Variants in ZNF804B observed in about 807,000 individuals in gnomAD.
The protein encoded by ZNF804B is zinc finger 804B.
A neutral mutation model predicts 101.4 loss-of-function variants in ZNF804B; 80 were observed. The ratio of observed to expected loss-of-function variants is 0.79; its 90% CI spans 0.66 to 0.95. ZNF804B has a LOEUF of 0.95. Among genes scored for constraint, ZNF804B ranks in the 40% least tolerant of loss-of-function variants. The probability of loss-of-function intolerance (pLI) is 0.00; values close to 1 mark genes in which losing one functional copy is unlikely to be tolerated. For synonymous variants in ZNF804B, 622 were observed against 558.8 expected (o/e 1.11, Z -1.59); for missense variants, 1,673 against 1,561.9 (o/e 1.07, Z -1.20).
intron 1 of ZNF804B, among the ~76,000 whole-genome samples, chr7:89,171,579 C>G (rs900584563): frequency 6.6e-6 from 1 of 151,852 alleles, no homozygotes; most frequent in Non-Finnish European, 1.5e-5. Flanking sequence ...GGACTACAAC[C>G]TTGTGCCACC....
intron 1 of ZNF804B, among the ~76,000 whole-genome samples, chr7:88,839,882 A>C (rs1446477857): frequency 6.6e-6 from 1 of 152,130 alleles, no homozygotes; most frequent in African/African-American, 2.4e-5. Context: ...CGTGGCATAT[A>C]ATAAGCATTC....
At chr7:88,861,581 G>A (rs1228205404) in intron 1 of ZNF804B, among the ~76,000 whole-genome samples, 1 of 152,122 alleles carries the variant, frequency 6.6e-6, no homozygotes, top group Non-Finnish European at 1.5e-5. Context: ...TGATCTCTCA[G>A]CGATATCTGT....
intron 1 of ZNF804B, among the ~76,000 whole-genome samples, chr7:89,063,561 G>T (rs1412621580): frequency 6.6e-6 from 1 of 152,112 alleles, no homozygotes; most frequent in East Asian, 1.9e-4. Context: ...AGTAATCAAG[G>T]TGGGAAACTG....
chr7:88,981,690 C>A (rs1562850364), intron 1 of ZNF804B, among the ~76,000 whole-genome samples: 1 of 151,994 alleles, frequency 6.6e-6, no homozygotes. Flanking sequence ...TCCCCTCTGG[C>A]TAGGCTGGTC....
chr7:88,876,258 T>A (rs553437634), intron 1 of ZNF804B, among the ~76,000 whole-genome samples: 1 of 152,304 alleles, frequency 6.6e-6, no homozygotes, highest in Admixed American at 6.5e-5. Context: ...CAGTGTTCTC[T>A]CTTGAGCAAA....
intron 2 of ZNF804B, among the ~76,000 whole-genome samples, chr7:89,297,049 G>A (rs1562939852): frequency 2.0e-5 from 3 of 151,916 alleles, no homozygotes; most frequent in Non-Finnish European, 4.4e-5. Context: ...GCTTAACATA[G>A]CCCCTCAGCT....
At chr7:89,280,581 C>T (rs1208870) in intron 2 of ZNF804B, among the ~76,000 whole-genome samples, 37,347 of 151,948 alleles carry the variant, frequency 0.25, 4,797 homozygotes, top group Non-Finnish European at 0.27. Flanking sequence ...ATATCACCAC[C>T]GATCCCACAG....
In ZNF804B at chr7:88,854,526, CT is replaced by C. The variant is rs1260731959; in HGVS notation, c.108+94445del. The stretch of plus-strand genomic sequence containing the variant: ...CCTTTCCTTTCCTTTCCTTTCCTTC[CT>C]TTCCTTCCTTCCTTCCTTCCTTCCT... On this transcript the variant is annotated intron_variant, in intron 1 of 3. Coordinates refer to ENST00000333190, the MANE Select transcript of ZNF804B (RefSeq NM_181646.5). Among the ~76,000 whole-genome samples the C allele has an allele frequency of 6.2e-3, 346 of 56,178 alleles. 1 individual carries two copies. The highest frequency in any genetic ancestry group is 8.0e-3 in the African/African-American group (95 of 11,910). 36.9% of individuals were successfully genotyped at this position (56,178 alleles called of 152,430 possible).
chr7:88,875,580 G>A (rs9918517), intron 1 of ZNF804B, among the ~76,000 whole-genome samples: 6,555 of 151,750 alleles, frequency 0.043, 471 homozygotes, highest in African/African-American at 0.15. Context: ...TAAATTCCTC[G>A]ACACATACAC....
rs79535043 is a variant in ZNF804B at position 88,870,563 on chromosome 7, G to T, written c.108+110479G>T. Among the ~76,000 whole-genome samples, 422 of 152,058 alleles carry T rather than the reference G, an allele frequency of 2.8e-3. 5 individuals are homozygous for T. Among genetic ancestry groups the T allele is most frequent in the African/African-American group, 9.9e-3 (412 of 41,464 alleles). ...AATCTCAATTCACATTCAAATAAAT[G>T]ATTTTTCTTTAATGACAAATGACTG... On this transcript the variant is annotated intron_variant, in intron 1 of 3. Transcript: ENST00000333190.
At position 89,080,023 on chromosome 7, in the gene ZNF804B, A is replaced by AT. The variant is rs1160511004; in HGVS notation, c.109-138122dup. The stretch of plus-strand genomic sequence containing the variant: ...GCATGACAGGATAACTTACATTTTT[A>AT]TTTTTTTTTTAGAATGACACAACCT... On this transcript the variant is annotated intron_variant, in intron 1 of 3. Coordinates refer to ENST00000333190, the MANE Select transcript of ZNF804B (RefSeq NM_181646.5). Among the ~76,000 whole-genome samples, 408 of 149,434 alleles carry AT rather than the reference A, an allele frequency of 2.7e-3. 3 individuals are homozygous for AT. The highest frequency in any genetic ancestry group is 9.2e-3 in the African/African-American group (377 of 40,870).
At chr7:88,994,531 A>T (rs1327443408) in intron 1 of ZNF804B, among the ~76,000 whole-genome samples, 1 of 152,092 alleles carries the variant, frequency 6.6e-6, no homozygotes, top group Non-Finnish European at 1.5e-5. Flanking sequence ...TTTTCACTGT[A>T]GCCTTTGGCT....
At chr7:88,839,945 T>A (rs1156427484) in intron 1 of ZNF804B, among the ~76,000 whole-genome samples, 2 of 152,154 alleles carry the variant, frequency 1.3e-5, no homozygotes, top group African/African-American at 4.8e-5. Flanking sequence ...GTTTGGCTCC[T>A]TGGGTGCTAG....
chr7:89,023,397 A>G (rs1303108589), intron 1 of ZNF804B, among the ~76,000 whole-genome samples: 1 of 152,196 alleles, frequency 6.6e-6, no homozygotes, highest in African/African-American at 2.4e-5. Context: ...CTTGACACAG[A>G]TTAACATTCT....
At chr7:88,794,415 T>G in intron 1 of ZNF804B, 1 of 1,613,772 alleles carries the variant, frequency 6.2e-7, no homozygotes, top group Non-Finnish European at 8.5e-7. Context: ...TATGAGTTTG[T>G]GTGAGAAAAT....
intron 1 of ZNF804B, among the ~76,000 whole-genome samples, chr7:89,205,161 T>C (rs881638): frequency 0.72 from 108,712 of 151,954 alleles, 39,607 homozygotes; most frequent in African/African-American, 0.78. Context: ...AGGAAAAACC[T>C]ACCCTCCATG....
intron 1 of ZNF804B, among the ~76,000 whole-genome samples, chr7:89,015,701 G>T (rs1788541211): frequency 6.6e-6 from 1 of 152,106 alleles, no homozygotes; most frequent in African/African-American, 2.4e-5. Flanking sequence ...ATTCCATGGT[G>T]TATATGTGTC....
At chr7:88,927,024 T>C (rs1333764353) in intron 1 of ZNF804B, among the ~76,000 whole-genome samples, 1 of 151,698 alleles carries the variant, frequency 6.6e-6, no homozygotes, top group African/African-American at 2.4e-5. Context: ...AGCGCATACA[T>C]TTTGGGGACT....
intron 1 of ZNF804B, among the ~76,000 whole-genome samples, chr7:88,935,448 C>T (rs1272466093): frequency 6.6e-6 from 1 of 150,844 alleles, no homozygotes; most frequent in African/African-American, 2.4e-5. Context: ...CTTTGGGAGG[C>T]TGAGGTGAGA....
Sources: gnomAD v4.1 joint callset for allele counts (sites outside exome capture counted in the v4.1 genomes callset) on GRCh38, gnomAD v4.1.1 for gene constraint, MANE v1.5 for transcripts, NCBI Gene and HGNC (gene_info 2026-07-23, HGNC 2026-07-21) for gene names.